HECW2: variants seen among roughly 807,000 people sequenced by gnomAD.
HECW2 encodes HECT, C2 and WW domain containing E3 ubiquitin protein ligase 2.
In HECW2, 61 loss-of-function variants were observed where a neutral mutation model predicts 175.2. That is an observed-to-expected ratio of 0.35 (90% confidence interval 0.28 to 0.43). The LOEUF is 0.43. HECW2 is among the 20% of genes least tolerant of loss of function. HECW2 has a pLI of 1.00. For synonymous variants in HECW2, 671 were observed against 731.0 expected (o/e 0.92, Z 1.32); for missense variants, 1,524 against 2,000.5 (o/e 0.76, Z 4.54).
chr2:196,469,618 CAT>C (rs1356857461), intron 1 of HECW2, among the ~76,000 whole-genome samples: 4 of 151,978 alleles, frequency 2.6e-5, no homozygotes, highest in African/African-American at 7.2e-5. Context: ...AGGTTATTTA[CAT>C]ATGTCATTAA....
At chr2:196,211,678 G>GAGT (rs1687291052) in intron 28 of HECW2, among the ~76,000 whole-genome samples, 1 of 152,148 alleles carries the variant, frequency 6.6e-6, no homozygotes, top group Non-Finnish European at 1.5e-5. Flanking sequence ...ACATTTGCCT[G>GAGT]CTTGAAAATT....
At chr2:196,327,084 A>T (rs188259811) in intron 5 of HECW2, among the ~76,000 whole-genome samples, 2 of 152,310 alleles carry the variant, frequency 1.3e-5, no homozygotes, top group East Asian at 3.9e-4. Context: ...TCTATGCCCA[A>T]AAAAGGGTTC....
chr2:196,304,644 G>A (rs1265455337), intron 13 of HECW2, among the ~76,000 whole-genome samples: 1 of 152,170 alleles, frequency 6.6e-6, no homozygotes, highest in African/African-American at 2.4e-5. Flanking sequence ...CCAAGTCTGA[G>A]TCTCTTCCTA....
rs781523022 is a variant in HECW2, at chr2:196,201,368, C to T, written c.4628G>A (p.Arg1543His). Reference sequence around the variant, plus strand: ...GGATGGGTAGGGAGGCAGATCCAGACGGTTAAAACATGTATGCGCTCTGAA... The same window carrying T: ...GGATGGGTAGGGAGGCAGATCCAGATGGTTAAAACATGTATGCGCTCTGAA... Reference protein sequence around the residue: ...ALPRAHTCFNRLDLPPYPSFS... With the variant: ...ALPRAHTCFNHLDLPPYPSFS... The change falls in exon 29 of 29, where the codon CGT becomes CAT. Residue 1543 changes from arginine (R) to histidine (H), a missense_variant. Arg to His is a conservative substitution (Grantham distance 29). Around this residue, in one of 11 missense-constraint regions of HECW2, gnomAD observed 134 missense variants for 287.8 expected, o/e 0.47. Coordinates refer to ENST00000644978, the MANE Select transcript of HECW2 (RefSeq NM_001348768.2). 4 of 1,613,054 alleles carry T rather than the reference C, an allele frequency of 2.5e-6. No individual in the cohort carries two copies. The highest frequency in any genetic ancestry group is 1.1e-5 in the South Asian group (1 of 91,068).
At chr2:196,420,681 A>G (rs1695383924) in intron 2 of HECW2, among the ~76,000 whole-genome samples, 1 of 152,176 alleles carries the variant, frequency 6.6e-6, no homozygotes. Context: ...TTTTGTATGT[A>G]TGTGTTCTAT....
chr2:196,319,794 C>T lies in HECW2; in HGVS notation c.1096G>A (p.Val366Met), dbSNP rs201798456. ...TCAGAAACTGGCCCATTAGAGCACA[C>T]CTGGCTGTCGTGATGGCTCCCTGGC... ...DMPGSHHDSQ[V>M]CSNGPVSEDS... is the part of the protein sequence containing the mutation. Residue 366 changes from valine (V) to methionine (M), a missense_variant, in exon 9 of 29, where the codon GTG (valine) becomes ATG (methionine). By Grantham distance (21) the Val-to-Met change is conservative (BLOSUM62 1). This residue lies in a region of HECW2 where 604 missense variants were observed against 588.3 expected (regional missense o/e 1.03). Coordinates refer to ENST00000644978, the MANE Select transcript of HECW2 (RefSeq NM_001348768.2). 1 of 1,614,204 alleles carries T rather than the reference C, an allele frequency of 6.2e-7. No individual in the cohort carries two copies. The highest frequency in any genetic ancestry group is 2.2e-5 in the East Asian group (1 of 44,888).
rs768416431 is a variant in HECW2 at position 196,255,147 on chromosome 2, A to ATTTTTTTT, written c.3420-1126_3420-1119dup. Reference sequence around the variant, plus strand: ...GTCACCACGTTCAGCTAATTTTTCTATTTTTTTTTTTTTTTTTTTTTTTAG... The same window carrying ATTTTTTTT: ...GTCACCACGTTCAGCTAATTTTTCTATTTTTTTTTTTTTTTTTTTTTTTTTTTTTTTAG... On this transcript the variant is annotated intron_variant, in intron 18 of 28. Transcript: ENST00000644978. Among the ~76,000 whole-genome samples the ATTTTTTTT allele has an allele frequency of 2.6e-4, 25 of 95,404 alleles. 1 individual carries two copies. Among genetic ancestry groups the ATTTTTTTT allele is most frequent in the African/African-American group, 8.1e-4 (19 of 23,466 alleles). The allele number at this position is 95,404 out of a possible 152,430, so 62.6% of individuals were successfully genotyped here. A position where few individuals can be genotyped will look rare whatever the true frequency, so the allele number is the denominator to read the frequency against.
chr2:196,523,726 C>G (rs374745084), intron 1 of HECW2, among the ~76,000 whole-genome samples: 6 of 151,270 alleles, frequency 4.0e-5, no homozygotes, highest in Admixed American at 6.6e-5. Context: ...TGCATCTATT[C>G]AGATAATCAT....
chr2:196,481,549 T>C (rs930298879), intron 1 of HECW2, among the ~76,000 whole-genome samples: 3 of 152,234 alleles, frequency 2.0e-5, no homozygotes, highest in Admixed American at 1.3e-4. Flanking sequence ...TAACTGACCA[T>C]GGTTCAAGCC....
intron 17 of HECW2, among the ~76,000 whole-genome samples, chr2:196,266,288 A>C (rs1216851918): frequency 6.6e-6 from 1 of 151,918 alleles, no homozygotes; most frequent in Non-Finnish European, 1.5e-5. Context: ...TTGATGCTGC[A>C]GTCAGCTGTG....
At chr2:196,437,847 T>A (rs959858142) in intron 1 of HECW2, among the ~76,000 whole-genome samples, 18 of 151,940 alleles carry the variant, frequency 1.2e-4, no homozygotes, top group Admixed American at 5.2e-4. Context: ...AAGGACAGTG[T>A]CAAATGCTGC....
chr2:196,419,523 T>G (rs887818110), intron 2 of HECW2, among the ~76,000 whole-genome samples: 1 of 152,224 alleles, frequency 6.6e-6, no homozygotes, highest in East Asian at 1.9e-4. Context: ...TCTGAACCCA[T>G]CTCAGGCATT....
chr2:196,283,060 AC>A (rs1383963936), intron 14 of HECW2, among the ~76,000 whole-genome samples: 1 of 151,802 alleles, frequency 6.6e-6, no homozygotes, highest in African/African-American at 2.4e-5. Flanking sequence ...GGAGAGGGAG[AC>A]CGTCCTGGCT....
intron 23 of HECW2, among the ~76,000 whole-genome samples, chr2:196,223,404 T>C (rs531572324): frequency 1.3e-5 from 2 of 152,232 alleles, no homozygotes; most frequent in East Asian, 3.9e-4. Flanking sequence ...CATTAAATCT[T>C]TCAGGATGTT....
At chr2:196,542,528 CAT>C (rs1689259285) in intron 1 of HECW2, among the ~76,000 whole-genome samples, 1 of 152,016 alleles carries the variant, frequency 6.6e-6, no homozygotes, top group Non-Finnish European at 1.5e-5. Flanking sequence ...GAAAAAGTAA[CAT>C]ATGCACATGG....
rs114448897 is a variant in HECW2, at chr2:196,500,742, A to C, written c.-35-67284T>G. Among the ~76,000 whole-genome samples, 743 of 152,312 alleles carry C rather than the reference A, an allele frequency of 4.9e-3. 4 individuals carry two copies. Among genetic ancestry groups the C allele is most frequent in the African/African-American group, 0.017 (695 of 41,574 alleles). On this transcript the variant is annotated intron_variant, in intron 1 of 28. Transcript: ENST00000644978. ...TTGCCTCAGAACAGCATTTGAAAAC[A>C]ACTTATCTAGACTATACTGGATTTC...
In HECW2 at chr2:196,283,261, C is replaced by CAA. The variant is rs1190850443; in HGVS notation, c.3001-4601_3001-4600dup. ...TGGGTGACAGAGCAAGACTCCATCTCAAAAAAAAAAAAAAAAAAAAAAAGT... is the reference window on the plus strand; with the variant it reads ...TGGGTGACAGAGCAAGACTCCATCTCAAAAAAAAAAAAAAAAAAAAAAAAAGT... On this transcript the variant is annotated intron_variant, in intron 14 of 28. Coordinates refer to ENST00000644978, the MANE Select transcript of HECW2 (RefSeq NM_001348768.2). Among the ~76,000 whole-genome samples, 119 of 45,220 alleles carry CAA rather than the reference C, an allele frequency of 2.6e-3. 2 individuals carry two copies. Among genetic ancestry groups the CAA allele is most frequent in the African/African-American group, 4.0e-3 (45 of 11,304 alleles). The allele number at this position is 45,220 out of a possible 152,430, so 29.7% of individuals were successfully genotyped here.
chr2:196,279,538 T>G (rs765218171), intron 14 of HECW2, among the ~76,000 whole-genome samples: 22 of 152,164 alleles, frequency 1.4e-4, no homozygotes, highest in Non-Finnish European at 2.6e-4. Context: ...CACATCTCTA[T>G]CACCATAGTC....
At chr2:196,458,694 C>T (rs968556904) in intron 1 of HECW2, among the ~76,000 whole-genome samples, 1 of 152,084 alleles carries the variant, frequency 6.6e-6, no homozygotes, top group Admixed American at 6.5e-5. Flanking sequence ...GGTGAAACCC[C>T]GTCTCTACTA....
Sources: allele counts gnomAD v4.1 joint callset (sites outside exome capture counted in the v4.1 genomes callset), GRCh38; gene constraint gnomAD v4.1.1; regional missense constraint gnomAD v4.1.1; transcripts MANE v1.5; gene names NCBI Gene and HGNC (gene_info 2026-07-23, HGNC 2026-07-21).